GSTT4: variants seen among roughly 807,000 people sequenced by gnomAD.
The protein encoded by GSTT4 is glutathione S-transferase theta-4.
the GSTT4 span, among the ~76,000 whole-genome samples, chr22:23,990,757 G>T: frequency 7.0e-5 from 7 of 99,738 alleles, 1 homozygote. Context: ...AAGCACATGG[G>T]GTGAAGATAT....
At chr22:23,991,708 C>A in the GSTT4 span, among the ~76,000 whole-genome samples, 351 of 142,378 alleles carry the variant, frequency 2.5e-3, 1 homozygote, top group African/African-American at 8.4e-3. Flanking sequence ...CGTGTCTGCT[C>A]TCTCACCACC....
chr22:24,001,443 C>G (rs879632816), intron 2 of GSTT4, 118 bp from the exon 3 acceptor site: 1 of 153,478 alleles, frequency 6.5e-6, no homozygotes, highest in Non-Finnish European at 1.5e-5. Flanking sequence ...GGAGCCCAAA[C>G]GGCCCCGAGA....
downstream of GSTT4, among the ~76,000 whole-genome samples, chr22:23,995,129 TTTTG>T (rs1191341427): frequency 1.3e-4 from 18 of 135,556 alleles, no homozygotes; most frequent in Non-Finnish European, 2.3e-4. Flanking sequence ...CAAGTTTTTT[TTTTG>T]TTTGTTTGTT....
At chr22:23,997,526 A>G (rs552994338), downstream of GSTT4, among the ~76,000 whole-genome samples, 10 of 143,266 alleles carry the variant, frequency 7.0e-5, no homozygotes, top group East Asian at 1.4e-3. Context: ...CCCAGCCTCC[A>G]CTTTCTTTCT....
downstream of GSTT4, among the ~76,000 whole-genome samples, chr22:23,995,128 T>TGACTTGAACTGCTGATGGTC (rs2034103112): frequency 7.9e-5 from 12 of 150,980 alleles, no homozygotes; most frequent in Admixed American, 2.0e-4. Context: ...ACAAGTTTTT[T>TGACTTGAACTGCTGATGGTC]TTTTGTTTGT....
At chr22:23,992,076 A>G in the GSTT4 span, among the ~76,000 whole-genome samples, 1 of 142,580 alleles carries the variant, frequency 7.0e-6, no homozygotes, top group East Asian at 2.1e-4. Context: ...AAAAAAAAGG[A>G]AGAGGAGAAA....
intron 3 of GSTT4, among the ~76,000 whole-genome samples, chr22:24,000,747 G>A (rs908660912): frequency 1.2e-4 from 16 of 136,862 alleles, no homozygotes. Flanking sequence ...TTTTAGTAGA[G>A]ATGGTGTTTC....
At chr22:24,003,601 G>A (rs1340875071) in intron 2 of GSTT4, among the ~76,000 whole-genome samples, 159 bp downstream of exon 2, 1 of 152,274 alleles carries the variant, frequency 6.6e-6, no homozygotes, top group Non-Finnish European at 1.5e-5. Flanking sequence ...TCAGAGCTGG[G>A]CGATGGATTT....
At chr22:23,995,008 A>G (rs1009510016), downstream of GSTT4, among the ~76,000 whole-genome samples, 5 of 46,872 alleles carry the variant, frequency 1.1e-4, no homozygotes, top group African/African-American at 2.7e-4. Context: ...TCTAGCTCCA[A>G]TGAGGGAGAG....
chr22:23,995,465 T>C (rs2034107336), downstream of GSTT4, among the ~76,000 whole-genome samples: 1 of 151,966 alleles, frequency 6.6e-6, no homozygotes, highest in Non-Finnish European at 1.5e-5. Flanking sequence ...TATCCAATCG[T>C]TCAACAGATT....
At chr22:24,001,691 C>T (rs2034233933) in intron 2 of GSTT4, among the ~76,000 whole-genome samples, 1 of 152,162 alleles carries the variant, frequency 6.6e-6, no homozygotes, top group Non-Finnish European at 1.5e-5. Flanking sequence ...GATCCTTTTT[C>T]AAAAACAAAA....
intron 2 of GSTT4, among the ~76,000 whole-genome samples, 199 bp downstream of exon 2, chr22:24,003,561 G>T (rs900814898): frequency 3.9e-5 from 6 of 152,272 alleles, no homozygotes; most frequent in East Asian, 1.9e-4. Context: ...GAATAGAAAT[G>T]ATGTAAACTG....
At chr22:24,002,847 A>AC (rs1432605881) in intron 2 of GSTT4, among the ~76,000 whole-genome samples, 13 of 152,170 alleles carry the variant, frequency 8.5e-5, no homozygotes, top group Non-Finnish European at 1.8e-4. Flanking sequence ...AAAAAAAAAA[A>AC]AAACTTCTTT....
chr22:23,996,433 G>A (rs1454944278), downstream of GSTT4, among the ~76,000 whole-genome samples: 2 of 152,180 alleles, frequency 1.3e-5, no homozygotes, highest in African/African-American at 4.8e-5. Context: ...ATCTTAGGGG[G>A]GAAACGCTTG....
chr22:23,993,292 G>A, the GSTT4 span, among the ~76,000 whole-genome samples: 1 of 152,130 alleles, frequency 6.6e-6, no homozygotes, highest in African/African-American at 2.4e-5. Context: ...CAAAGTTCTA[G>A]CCTCAAGAGA....
At chr22:23,994,107 T>C (rs1332342469), downstream of GSTT4, among the ~76,000 whole-genome samples, 1 of 152,210 alleles carries the variant, frequency 6.6e-6, no homozygotes, top group Non-Finnish European at 1.5e-5. Context: ...GTTTTTGTTT[T>C]ATATTTTGAG....
chr22:23,998,458 T>G lies in GSTT4; in HGVS notation c.*84A>C, dbSNP rs1264334639. The G allele has an allele frequency of 4.9e-5, 2 of 40,790 alleles. No homozygotes were observed. Among genetic ancestry groups the G allele is most frequent in the Non-Finnish European group, 7.1e-5 (1 of 14,134 alleles). 2.5% of individuals were successfully genotyped at this position (40,790 alleles called of 1,614,324 possible). On this transcript the variant is annotated 3_prime_UTR_variant, in exon 5 of 5. Transcript: ENST00000621179. ...AACAGTTGTTTTTTTGTTTTTTTGT[T>G]TTTTTTTTTTTAACATTTCCTTTAA...
At chr22:23,996,982 T>A (rs2034122909), downstream of GSTT4, among the ~76,000 whole-genome samples, 4 of 141,630 alleles carry the variant, frequency 2.8e-5, no homozygotes, top group Non-Finnish European at 1.6e-5. Context: ...GTGGAATTTT[T>A]AAAAATAATT....
chr22:24,003,682 T>A (rs2079495476), intron 2 of GSTT4, 78 bp downstream of exon 2: 1 of 154,994 alleles, frequency 6.5e-6, no homozygotes, highest in African/African-American at 2.4e-5. Context: ...TTTTCCATGG[T>A]CAAACAGACA....
Sources: allele counts gnomAD v4.1 joint callset (sites outside exome capture counted in the v4.1 genomes callset), GRCh38; gene constraint gnomAD v4.1.1; transcripts MANE v1.5; gene names NCBI Gene and HGNC (gene_info 2026-07-23, HGNC 2026-07-21).